Variants in NCAM2 observed in about 807,000 individuals in gnomAD.
NCAM2 encodes neural cell adhesion molecule 2.
A neutral mutation model predicts 98.1 loss-of-function variants in NCAM2; 30 were observed. That is an observed-to-expected ratio of 0.31 (90% CI 0.23 to 0.41). NCAM2 has a LOEUF of 0.41. Ranked by LOEUF, NCAM2 falls within the 10% of genes least tolerant of loss-of-function variation. The pLI is 1.00. For missense variants in NCAM2, 867 were observed against 1,005.8 expected, an observed-to-expected ratio of 0.86 and a Z score of 1.87; for synonymous variants, 368 against 342.4, an observed-to-expected ratio of 1.07 and a Z score of -0.83.
chr21:21,027,100 C>G (rs2064565110), intron 1 of NCAM2, among the ~76,000 whole-genome samples: 1 of 152,140 alleles, frequency 6.6e-6, no homozygotes, highest in Non-Finnish European at 1.5e-5. Context: ...TTAAATGATT[C>G]ACCTGCCTCA....
At chr21:21,498,871 TA>T (rs1208129791) in intron 15 of NCAM2, among the ~76,000 whole-genome samples, 1 of 152,152 alleles carries the variant, frequency 6.6e-6, no homozygotes, top group Non-Finnish European at 1.5e-5. Context: ...AATAATGTAC[TA>T]GGGGGCAAAA....
chr21:21,399,951 G>A lies in NCAM2; in HGVS notation c.1196-10323G>A, dbSNP rs966033010. On this transcript the variant is annotated intron_variant, in intron 9 of 17. Transcript: ENST00000400546. ...TAATCAAGTCAAGAAATCTCATACTGCAGGAGAATGCAGTGATCAGTACTG... is the reference window on the plus strand; with the variant it reads ...TAATCAAGTCAAGAAATCTCATACTACAGGAGAATGCAGTGATCAGTACTG... Among the ~76,000 whole-genome samples, 9 of 152,112 alleles carry A rather than the reference G, an allele frequency of 5.9e-5. No individual in the cohort carries two copies. The East Asian group carries it at 1.7e-3, about 29-fold the overall frequency.
At chr21:21,101,871 A>G (rs1377802147) in intron 1 of NCAM2, among the ~76,000 whole-genome samples, 1 of 152,112 alleles carries the variant, frequency 6.6e-6, no homozygotes, top group Non-Finnish European at 1.5e-5. Flanking sequence ...CTACTTGAAA[A>G]TCATAGCTTT....
intron 16 of NCAM2, among the ~76,000 whole-genome samples, chr21:21,524,018 G>A (rs781374392): frequency 6.8e-6 from 1 of 147,402 alleles, no homozygotes. Flanking sequence ...AAAAAAAAAC[G>A]AGACCCAACC....
chr21:21,407,853 G>A (rs1226791527), intron 9 of NCAM2, among the ~76,000 whole-genome samples: 6 of 152,076 alleles, frequency 3.9e-5, no homozygotes, highest in South Asian at 2.1e-4. Context: ...AGATATAGAC[G>A]TAAACTTAGT....
chr21:21,342,700 A>T (rs993698357), intron 8 of NCAM2, among the ~76,000 whole-genome samples: 1 of 152,244 alleles, frequency 6.6e-6, no homozygotes, highest in Admixed American at 6.5e-5. Flanking sequence ...CCCAAATCCA[A>T]CATGAGAGGA....
At chr21:21,327,454 C>T (rs1405127108) in intron 6 of NCAM2, among the ~76,000 whole-genome samples, 1 of 151,854 alleles carries the variant, frequency 6.6e-6, no homozygotes, top group Non-Finnish European at 1.5e-5. Flanking sequence ...CTTTCAGAAA[C>T]AGCAATCCTT....
In NCAM2 at chr21:21,477,070, A is replaced by T. The variant is rs188570715; in HGVS notation, c.1897-221A>T. 9.2e-5 allele frequency among the ~76,000 whole-genome samples: 14 copies of T among 152,210 alleles called. No homozygotes were observed. In the East Asian group the frequency reaches 2.7e-3, roughly 29 times the overall value. ...CACTGAATAAAGGATTAATGACAAAACCACTTTTTGGCTAATATAAACAAC... is the reference window on the plus strand; with the variant it reads ...CACTGAATAAAGGATTAATGACAAATCCACTTTTTGGCTAATATAAACAAC... On this transcript the variant is annotated intron_variant, in intron 14 of 17. Transcript: ENST00000400546.
At chr21:21,286,513 C>A in intron 4 of NCAM2, 101 bp downstream of exon 4, 3 of 1,276,434 alleles carry the variant, frequency 2.4e-6, no homozygotes, top group Admixed American at 2.4e-5. Context: ...GAATTTTTGA[C>A]CCCAAATATT....
At chr21:21,359,496 C>G (rs1460452242) in intron 8 of NCAM2, among the ~76,000 whole-genome samples, 1 of 151,638 alleles carries the variant, frequency 6.6e-6, no homozygotes, top group Non-Finnish European at 1.5e-5. Context: ...TTGAATATGT[C>G]TTTTTAAAAG....
chr21:21,534,747 ATTAT>A, intron 17 of NCAM2, 91 bp downstream of exon 17: 3 of 1,141,118 alleles, frequency 2.6e-6, no homozygotes, highest in Non-Finnish European at 3.4e-6. Flanking sequence ...TTAAATATTA[ATTAT>A]TTGTAAAAGA....
chr21:21,223,827 T>C (rs1464610021), intron 1 of NCAM2: 2 of 152,086 alleles, frequency 1.3e-5, no homozygotes, highest in African/African-American at 2.4e-5. Context: ...GCATACAATA[T>C]AAACAGAGAT....
At chr21:21,389,236 GC>G (rs2076331188) in intron 9 of NCAM2, among the ~76,000 whole-genome samples, 1 of 152,182 alleles carries the variant, frequency 6.6e-6, no homozygotes, top group Admixed American at 6.5e-5. Context: ...ATGGTGGCAG[GC>G]AAGAGAGTGT....
At chr21:21,027,594 T>G (rs768253726) in intron 1 of NCAM2, among the ~76,000 whole-genome samples, 14 of 152,324 alleles carry the variant, frequency 9.2e-5, no homozygotes, top group African/African-American at 2.9e-4. Flanking sequence ...AATATTAGAC[T>G]ATAGCTTAAT....
chr21:21,480,567 A>G (rs894466513), intron 15 of NCAM2, among the ~76,000 whole-genome samples: 1 of 152,084 alleles, frequency 6.6e-6, no homozygotes, highest in Non-Finnish European at 1.5e-5. Flanking sequence ...GTGTGTGACT[A>G]TAGATAAGGT....
intron 1 of NCAM2, among the ~76,000 whole-genome samples, chr21:21,209,220 T>A (rs62209179): frequency 0.31 from 47,795 of 151,746 alleles, 8,690 homozygotes; most frequent in Non-Finnish European, 0.43. Context: ...GCTTGGGTTT[T>A]ATTTATTTAC....
intron 9 of NCAM2, among the ~76,000 whole-genome samples, chr21:21,382,218 G>A (rs541042586): frequency 6.6e-6 from 1 of 152,196 alleles, no homozygotes; most frequent in East Asian, 1.9e-4. Context: ...TCTGGAATGT[G>A]GGGATTTATA....
chr21:21,295,244 A>G (rs538657953), intron 5 of NCAM2, among the ~76,000 whole-genome samples: 251 of 9,964 alleles, frequency 0.025, 2 homozygotes, highest in African/African-American at 0.086. Flanking sequence ...CTACCAATTC[A>G]TACTCTTTTG....
intron 5 of NCAM2, among the ~76,000 whole-genome samples, chr21:21,313,333 T>G (rs2147733407): frequency 6.6e-6 from 1 of 152,012 alleles, no homozygotes; most frequent in East Asian, 1.9e-4. Flanking sequence ...TTGTTCCAAT[T>G]TTTTTTGTCT....
Sources: gnomAD v4.1 joint callset for allele counts (sites outside exome capture counted in the v4.1 genomes callset) on GRCh38, gnomAD v4.1.1 for gene constraint, MANE v1.5 for transcripts, NCBI Gene and HGNC (gene_info 2026-07-23, HGNC 2026-07-21) for gene names.